Variants in VAC14 observed in about 807,000 individuals in gnomAD.
VAC14 encodes the protein protein VAC14 homolog.
A neutral mutation model predicts 85.3 loss-of-function variants in VAC14; 47 were observed. The observed-to-expected ratio is 0.55, with a 90% CI of 0.44 to 0.70. The LOEUF (loss-of-function observed/expected upper bound fraction) is 0.70. Among genes scored for constraint, VAC14 ranks in the 30% least tolerant of loss-of-function variants. VAC14 has a pLI of 0.00. For synonymous variants in VAC14, 447 were observed against 430.5 expected (o/e 1.04, Z -0.47); for missense variants, 861 against 1,004.3 (o/e 0.86, Z 1.93).
rs1483701117 is a variant in VAC14 at position 70,763,036 on chromosome 16, G to A, written c.1161-11C>T. 13 of 1,614,172 alleles carry A rather than the reference G, an allele frequency of 8.1e-6. No homozygotes were observed. The highest frequency in any genetic ancestry group is 1.1e-5 in the Non-Finnish European group (13 of 1,180,008). On this transcript the variant is annotated splice_polypyrimidine_tract_variant and intron_variant, in intron 10 of 18. Coordinates refer to ENST00000261776, the MANE Select transcript of VAC14 (RefSeq NM_018052.5). ...GGGGCTCTTTCAGTGCTGTGGGTAA[G>A]ATCGGGAGGGAGAGCAGAGGTGAAG...
At chr16:70,715,776 G>T (rs2054152355) in intron 14 of VAC14, 1 of 152,178 alleles carries the variant, frequency 6.6e-6, no homozygotes, top group African/African-American at 2.4e-5. Flanking sequence ...GGTGGAGTCG[G>T]GGCTGTCGGG....
intron 10 of VAC14, chr16:70,770,915 A>G (rs1465748530): frequency 6.6e-6 from 1 of 152,214 alleles, no homozygotes; most frequent in Non-Finnish European, 1.5e-5. Flanking sequence ...AGGGATGAGG[A>G]TAAGTTCACA....
chr16:70,768,304 C>G (rs973300977), intron 10 of VAC14: 2 of 157,052 alleles, frequency 1.3e-5, no homozygotes, highest in Non-Finnish European at 2.8e-5. Flanking sequence ...TTGACCAAGG[C>G]CACAGCCAGG....
intron 13 of VAC14, among the ~76,000 whole-genome samples, chr16:70,737,066 CAGG>C (rs1032492501): frequency 3.3e-5 from 5 of 152,166 alleles, no homozygotes; most frequent in South Asian, 2.1e-4. Context: ...GCTGCAGGCT[CAGG>C]AGGAGGAGAT....
Position 70,755,948 on chromosome 16 carries a change from G to A in VAC14, c.1371+6592C>T, listed in dbSNP as rs1476649825. The stretch of plus-strand genomic sequence containing the variant: ...TCCTCACAGCACAGCTCGGGGGTTT[G>A]GGGCTTCCCCCAGGTGGGACCCCAG... On this transcript the variant is annotated intron_variant, in intron 12 of 18. Transcript: ENST00000261776. The A allele has an allele frequency of 1.3e-5, 6 of 453,670 alleles. No individual in the cohort carries two copies. The East Asian group carries it at 3.5e-4, about 26-fold the overall frequency. The allele number at this position is 453,670 out of a possible 1,614,324, so 28.1% of individuals were successfully genotyped here.
intron 14 of VAC14, among the ~76,000 whole-genome samples, chr16:70,710,492 TA>T (rs1216038117): frequency 6.6e-6 from 1 of 152,140 alleles, no homozygotes; most frequent in Non-Finnish European, 1.5e-5. Context: ...GGGACCCGAG[TA>T]AGGTGGCCAG....
Position 70,766,369 on chromosome 16 carries a change from C to T in VAC14, c.1161-3344G>A, listed in dbSNP as rs141672676. The T allele has an allele frequency of 3.1e-3, 1,270 of 408,980 alleles. 5 individuals are homozygous for T. The highest frequency in any genetic ancestry group is 4.4e-3 in the Non-Finnish European group (886 of 200,534). The allele number at this position is 408,980 out of a possible 1,614,324, so 25.3% of individuals were successfully genotyped here. On this transcript the variant is annotated intron_variant, in intron 10 of 18. Transcript: ENST00000261776. ...GTGGTGCTGTGTCAGGGCCAAAGAA[C>T]GGCAGCATATCACGGAGCTGGTATG... is the stretch of plus-strand genomic sequence containing the variant.
At chr16:70,736,626 A>C (rs568953199) in intron 13 of VAC14, among the ~76,000 whole-genome samples, 23 of 152,220 alleles carry the variant, frequency 1.5e-4, no homozygotes, top group Admixed American at 9.1e-4. Context: ...ATGGACTCTC[A>C]ATGTCCAGGC....
intron 9 of VAC14, among the ~76,000 whole-genome samples, chr16:70,776,649 T>TA (rs1236537679): frequency 2.0e-5 from 3 of 152,166 alleles, no homozygotes; most frequent in Non-Finnish European, 4.4e-5. Flanking sequence ...AGGCTGGACT[T>TA]AAATTCCTGG....
chr16:70,698,864 T>C, intron 14 of VAC14, 53 bp from the exon 15 acceptor site: 1 of 1,591,352 alleles, frequency 6.3e-7, no homozygotes, highest in African/African-American at 1.3e-5. Context: ...GAAGGCTCTG[T>C]GTCTCAGCCT....
intron 10 of VAC14, among the ~76,000 whole-genome samples, chr16:70,764,941 C>T (rs1375502608): frequency 1.3e-5 from 2 of 152,180 alleles, no homozygotes; most frequent in Non-Finnish European, 2.9e-5. Context: ...CTCTTTTTCC[C>T]GTCCTGCAGA....
chr16:70,723,482 TACC>T (rs1016633878), intron 14 of VAC14, among the ~76,000 whole-genome samples: 1 of 152,146 alleles, frequency 6.6e-6, no homozygotes, highest in African/African-American at 2.4e-5. Flanking sequence ...AAATAAATGA[TACC>T]ACATTATGGT....
intron 18 of VAC14, chr16:70,690,246 G>A: frequency 1.0e-6 from 1 of 985,466 alleles, no homozygotes; most frequent in Non-Finnish European, 1.2e-6. Context: ...TGGGAGCAGG[G>A]CGGGCTGTGT....
chr16:70,734,646 T>G (rs953189666), intron 13 of VAC14, among the ~76,000 whole-genome samples: 1 of 152,186 alleles, frequency 6.6e-6, no homozygotes, highest in Non-Finnish European at 1.5e-5. Context: ...TAAATCCTTT[T>G]GCATATGGAT....
chr16:70,691,724 C>T, intron 18 of VAC14: 1 of 985,488 alleles, frequency 1.0e-6, no homozygotes, highest in South Asian at 4.7e-5. Flanking sequence ...TCTAGGGGTT[C>T]AGCCTCTCCA....
chr16:70,788,383 G>A (rs772756701), intron 1 of VAC14, among the ~76,000 whole-genome samples: 1 of 152,206 alleles, frequency 6.6e-6, no homozygotes, highest in Non-Finnish European at 1.5e-5. Context: ...GGTGGACGTT[G>A]GAGAGGAGAT....
intron 7 of VAC14, among the ~76,000 whole-genome samples, chr16:70,782,209 G>C (rs200451399): frequency 6.6e-6 from 1 of 152,250 alleles, no homozygotes; most frequent in Non-Finnish European, 1.5e-5. Context: ...TCCTGTGCTA[G>C]ACTGTAAGGG....
intron 14 of VAC14, chr16:70,714,968 A>G (rs1056622530): frequency 6.6e-6 from 1 of 152,368 alleles, no homozygotes; most frequent in African/African-American, 2.4e-5. Flanking sequence ...TCTGTGAGCC[A>G]GCCACCTCAG....
chr16:70,748,500 T>A (rs1401698304), intron 12 of VAC14, among the ~76,000 whole-genome samples: 1 of 152,220 alleles, frequency 6.6e-6, no homozygotes, highest in African/African-American at 2.4e-5. Context: ...AGTATTCTCT[T>A]ACCTAGCATA....
Sources: allele counts gnomAD v4.1 joint callset (sites outside exome capture counted in the v4.1 genomes callset), GRCh38; gene constraint gnomAD v4.1.1; transcripts MANE v1.5; gene names NCBI Gene and HGNC (gene_info 2026-07-23, HGNC 2026-07-21).